The following ZNF516 variants were observed in gnomAD, a reference collection of about 807,000 sequenced individuals.
ZNF516 encodes zinc finger protein 516.
In ZNF516, 19 loss-of-function variants were observed where a neutral mutation model predicts 79.7. The observed-to-expected ratio is 0.24, with a 90% CI of 0.17 to 0.35. The LOEUF is 0.35. Ranked by LOEUF, ZNF516 falls within the 10% of genes least tolerant of loss-of-function variation. The pLI, the probability that ZNF516 is intolerant of heterozygous loss-of-function variation, is 1.00. For missense variants in ZNF516, 1,678 were observed against 1,679.5 expected (o/e 1.00, Z 0.02); for synonymous variants, 877 against 739.5 (o/e 1.19, Z -3.02).
intron 3 of ZNF516, among the ~76,000 whole-genome samples, chr18:76,434,584 C>T (rs955165393): frequency 2.6e-5 from 4 of 152,210 alleles, no homozygotes; most frequent in African/African-American, 7.2e-5. Flanking sequence ...ACTCGGCACA[C>T]CCCACAGGAC....
chr18:76,376,148 C>CAA (rs946326970), intron 4 of ZNF516, among the ~76,000 whole-genome samples: 3 of 152,208 alleles, frequency 2.0e-5, no homozygotes, highest in Non-Finnish European at 4.4e-5. Flanking sequence ...AGCTTCAACA[C>CAA]AGAGACCTGT....
At position 76,359,621 on chromosome 18, in the gene ZNF516, G is replaced by A. The variant is rs148880191; in HGVS notation, c.*2877C>T. The A allele has an allele frequency of 0.011, 1,658 of 152,306 alleles. 24 individuals are homozygous for A. Among genetic ancestry groups the A allele is most frequent in the African/African-American group, 0.035 (1,453 of 41,506 alleles). 9.4% of individuals were successfully genotyped at this position (152,306 alleles called of 1,614,324 possible). A position where few individuals can be genotyped will look rare whatever the true frequency, so the allele number is the denominator to read the frequency against. ...AGCCAGGCCCCAGCAGGGGCAGAGC[G>A]GGAAGCAGCGAGCGGAAAGCAGGGG... On this transcript the variant is annotated 3_prime_UTR_variant, in exon 7 of 7. Coordinates refer to ENST00000443185, the MANE Select transcript of ZNF516 (RefSeq NM_014643.4).
At chr18:76,466,529 G>A (rs539255911) in intron 1 of ZNF516, among the ~76,000 whole-genome samples, 1 of 152,382 alleles carries the variant, frequency 6.6e-6, no homozygotes, top group African/African-American at 2.4e-5. Flanking sequence ...ACACCAAAGA[G>A]GCTACTTGGC....
At chr18:76,371,421 CT>C (rs981056529) in intron 5 of ZNF516, 45 bp downstream of exon 5, 1 of 1,551,888 alleles carries the variant, frequency 6.4e-7, no homozygotes, top group African/African-American at 1.4e-5. Context: ...GAAGAGACCC[CT>C]CTTCCTCTGC....
At chr18:76,371,759 C>T (rs1189241539) in intron 4 of ZNF516, among the ~76,000 whole-genome samples, 188 bp from the exon 5 acceptor site, 2 of 152,194 alleles carry the variant, frequency 1.3e-5, no homozygotes, top group Non-Finnish European at 2.9e-5. Context: ...ACAGGCCAGG[C>T]ACTCTCAGGA....
At chr18:76,487,923 G>A (rs1380439781) in intron 1 of ZNF516, 7 of 985,366 alleles carry the variant, frequency 7.1e-6, no homozygotes, top group Non-Finnish European at 8.4e-6. Flanking sequence ...CCCCAGGAGG[G>A]GAGGGAGAAG....
chr18:76,458,211 C>A (rs1912849614), intron 2 of ZNF516, among the ~76,000 whole-genome samples: 1 of 152,114 alleles, frequency 6.6e-6, no homozygotes, highest in Non-Finnish European at 1.5e-5. Flanking sequence ...TTGATAAAGT[C>A]TTTTTGTTTT....
rs1189437414 is a variant in ZNF516, at chr18:76,378,850, C to T, written c.3259+5G>A. ...CCTGGGGAAGAGAGGGCCCGCACAT[C>T]TTACCTCTGTGCTCCAACCCAGGGC... is the stretch of plus-strand genomic sequence containing the variant. On this transcript the variant is annotated splice_donor_5th_base_variant and intron_variant, in intron 4 of 6. Transcript: ENST00000443185. 4 of 1,611,206 alleles carry T rather than the reference C, an allele frequency of 2.5e-6. No homozygotes were observed. Among genetic ancestry groups the T allele is most frequent in the Non-Finnish European group, 3.4e-6 (4 of 1,178,534 alleles).
At chr18:76,380,802 A>ACC (rs57119702) in intron 3 of ZNF516, among the ~76,000 whole-genome samples, 1 of 151,006 alleles carries the variant, frequency 6.6e-6, no homozygotes, top group Non-Finnish European at 1.5e-5. Context: ...TGTCCAAAGG[A>ACC]CCCCCCGTGT....
intron 3 of ZNF516, among the ~76,000 whole-genome samples, chr18:76,420,213 G>T (rs1792904399): frequency 6.6e-6 from 1 of 152,218 alleles, no homozygotes; most frequent in Non-Finnish European, 1.5e-5. Context: ...ATAAGCTTAA[G>T]ATCTAAGTAA....
rs1028059524 is a variant in ZNF516 at position 76,451,436 on chromosome 18, T to G, written c.-157-8225A>C. The stretch of plus-strand genomic sequence containing the variant: ...AGGGGCTGGAGTGAACGGGAGGAAT[T>G]GGGGAGGGAGGGAAAACGCCAAAAA... On this transcript the variant is annotated intron_variant, in intron 2 of 6. Transcript: ENST00000443185. This position sits in a 1 kb window ranked among gnomAD's most constrained non-coding sequence, Gnocchi z 6.0. 2.0e-5 allele frequency among the ~76,000 whole-genome samples: 3 copies of G among 151,896 alleles called. No homozygotes were observed. The highest frequency in any genetic ancestry group is 4.4e-5 in the Non-Finnish European group (3 of 67,960).
At chr18:76,495,006 A>C (rs1286085754) in intron 1 of ZNF516, 138 bp downstream of exon 1, 2 of 122,346 alleles carry the variant, frequency 1.6e-5, no homozygotes, top group Non-Finnish European at 1.7e-5. Flanking sequence ...TCCCCGGCGC[A>C]CCCCCCTCCC....
rs1204271209 is a variant in ZNF516, at chr18:76,360,548, T to C, written c.*1950A>G. 1 of 149,998 alleles carries C rather than the reference T, an allele frequency of 6.7e-6. No individual in the cohort carries two copies. Among genetic ancestry groups the C allele is most frequent in the Non-Finnish European group, 1.5e-5 (1 of 67,740 alleles). 9.3% of individuals were successfully genotyped at this position (149,998 alleles called of 1,614,324 possible). On this transcript the variant is annotated 3_prime_UTR_variant, in exon 7 of 7. Transcript: ENST00000443185. ...ACAGTCAATTACAGTTGTTTAACTGTATCTGCATGGACATTCCTAATTACA... is the reference window on the plus strand; with the variant it reads ...ACAGTCAATTACAGTTGTTTAACTGCATCTGCATGGACATTCCTAATTACA...
rs759917074 is a variant in ZNF516, at chr18:76,442,775, C to T, written c.280G>A (p.Glu94Lys). 10 of 1,599,808 alleles carry T rather than the reference C, an allele frequency of 6.3e-6. No homozygotes were observed. Among genetic ancestry groups the T allele is most frequent in the Non-Finnish European group, 7.7e-6 (9 of 1,173,144 alleles). ...HRTGTLIQGHEPEAGEAPLGE... is the reference protein window; with the variant it reads ...HRTGTLIQGHKPEAGEAPLGE... ...AGCGGCGCCTCGCCCGCCTCCGGCT[C>T]GTGTCCCTGAATCAGAGTCCCCGTG... The change falls in exon 3 of 7, where the codon GAG becomes AAG. Residue 94 changes from glutamate to lysine, a missense_variant. Around this residue, in one of 5 missense-constraint regions of ZNF516, gnomAD observed 279 missense variants for 254.1 expected, o/e 1.10. Coordinates refer to ENST00000443185, the MANE Select transcript of ZNF516 (RefSeq NM_014643.4).
chr18:76,439,881 C>T (rs996470914), intron 3 of ZNF516, among the ~76,000 whole-genome samples: 4 of 151,744 alleles, frequency 2.6e-5, no homozygotes, highest in South Asian at 2.1e-4. Context: ...AAAAGAACAC[C>T]GAGAATTAAA....
upstream of ZNF516, chr18:76,495,799 TACAC>T (rs925015095): frequency 1.8e-6 from 2 of 1,095,022 alleles, no homozygotes; most frequent in Middle Eastern, 2.5e-4. Context: ...GCGTGTGCAT[TACAC>T]ACGGCGTAGC....
chr18:76,423,193 C>G (rs2075530737), intron 3 of ZNF516, among the ~76,000 whole-genome samples: 1 of 152,096 alleles, frequency 6.6e-6, no homozygotes, highest in Admixed American at 6.5e-5. Context: ...ATATATGTTC[C>G]CAAAAGGAAA....
At position 76,467,159 on chromosome 18, in the gene ZNF516, T is replaced by C. The variant is rs657140; in HGVS notation, c.-271-4018A>G. 0.99 allele frequency among the ~76,000 whole-genome samples: 114,825 copies of C among 116,268 alleles called. 56,782 individuals carry two copies. The highest frequency in any genetic ancestry group is 1 in the Non-Finnish European group (58,329 of 58,524). 76.3% of individuals were successfully genotyped at this position (116,268 alleles called of 152,430 possible). ...TCTCGGAACCTGCAGCTCACAGCCCTTCTGGGTTGGCAGGAAGTCCTGCGT... is the reference window on the plus strand; with the variant it reads ...TCTCGGAACCTGCAGCTCACAGCCCCTCTGGGTTGGCAGGAAGTCCTGCGT... On this transcript the variant is annotated intron_variant, in intron 1 of 6. Transcript: ENST00000443185. This position sits in a 1 kb window ranked among gnomAD's most constrained non-coding sequence, Gnocchi z 4.2.
At chr18:76,496,372 C>G (rs775523963), upstream of ZNF516, 116 of 1,289,594 alleles carry the variant, frequency 9.0e-5, no homozygotes, top group African/African-American at 1.5e-3. Flanking sequence ...GCGTAGCAAT[C>G]AGCGCTGCAA....
Sources: gnomAD v4.1 joint callset for allele counts (sites outside exome capture counted in the v4.1 genomes callset) on GRCh38, gnomAD v4.1.1 for gene constraint, gnomAD v4.1.1 regional missense constraint, Gnocchi (gnomAD v3.1) non-coding constraint, MANE v1.5 for transcripts, NCBI Gene and HGNC (gene_info 2026-07-23, HGNC 2026-07-21) for gene names.